Variants in PTPRG observed in about 807,000 individuals in gnomAD.
PTPRG encodes the protein receptor-type tyrosine-protein phosphatase gamma.
A neutral mutation model predicts 165.3 loss-of-function variants in PTPRG; 102 were observed. The ratio of observed to expected loss-of-function variants is 0.62; its 90% confidence interval spans 0.53 to 0.73. The LOEUF is 0.73. PTPRG is among the 30% of genes least tolerant of loss of function. The pLI is 0.00. For missense variants in PTPRG, 1,866 were observed against 1,861.4 expected, an observed-to-expected ratio of 1.00 and a Z score of -0.05; for synonymous variants, 675 against 669.5, an observed-to-expected ratio of 1.01 and a Z score of -0.13.
intron 4 of PTPRG, among the ~76,000 whole-genome samples, chr3:62,017,087 G>T (rs750842578): frequency 6.6e-6 from 1 of 152,108 alleles, no homozygotes; most frequent in Non-Finnish European, 1.5e-5. Flanking sequence ...GGAGGGGATC[G>T]GTCTGTCTGT....
intron 2 of PTPRG, among the ~76,000 whole-genome samples, chr3:61,978,656 T>A (rs2040565686): frequency 6.6e-6 from 1 of 152,218 alleles, no homozygotes; most frequent in African/African-American, 2.4e-5. Context: ...GTGCTGTATT[T>A]CTGCCAGGGA....
chr3:61,651,908 G>A (rs1702364830), intron 1 of PTPRG, among the ~76,000 whole-genome samples: 1 of 152,154 alleles, frequency 6.6e-6, no homozygotes, highest in Non-Finnish European at 1.5e-5. Flanking sequence ...TATTCGGGAG[G>A]CTGAGGCAGG....
intron 2 of PTPRG, among the ~76,000 whole-genome samples, chr3:61,826,731 A>G (rs2036124012): frequency 6.6e-6 from 1 of 152,068 alleles, no homozygotes; most frequent in Non-Finnish European, 1.5e-5. Context: ...CCTTTTTGTA[A>G]GCAAAGATGC....
rs970856291 is a variant in PTPRG, at chr3:62,219,088, A to T, written c.2288+105A>T. The T allele has an allele frequency of 1.4e-6, 2 of 1,450,402 alleles. No homozygotes were observed. Among genetic ancestry groups the T allele is most frequent in the African/African-American group, 2.8e-5 (2 of 70,268 alleles). 89.8% of individuals were successfully genotyped at this position (1,450,402 alleles called of 1,614,324 possible). ...GCCTCTGCATTCAGGAAGGTGAGGT[A>T]GCTTAAGTGTTTCTGGTCTTGCCAC... is the stretch of plus-strand genomic sequence containing the variant. On this transcript the variant is annotated intron_variant, in intron 13 of 29. Transcript: ENST00000474889. This position sits in a 1 kb window ranked among gnomAD's most constrained non-coding sequence, Gnocchi z 4.5.
chr3:62,000,220 G>A (rs2041137297), intron 3 of PTPRG, among the ~76,000 whole-genome samples: 2 of 150,654 alleles, frequency 1.3e-5, no homozygotes, highest in South Asian at 4.2e-4. Context: ...AGCTGAGGTT[G>A]CAGTGGGCGG....
intron 8 of PTPRG, among the ~76,000 whole-genome samples, chr3:62,184,742 C>T (rs1328372511): frequency 2.0e-5 from 3 of 152,174 alleles, no homozygotes; most frequent in Admixed American, 1.3e-4. Context: ...GTTGCAACAC[C>T]TCCCACCCAG....
rs151218500 is a variant in PTPRG at position 62,069,023 on chromosome 3, A to T, written c.520-9140A>T. Among the ~76,000 whole-genome samples the T allele has an allele frequency of 3.3e-5, 5 of 152,342 alleles. No homozygotes were observed. The East Asian group carries it at 9.6e-4, about 29-fold the overall frequency. On this transcript the variant is annotated intron_variant, in intron 4 of 29. Transcript: ENST00000474889. Reference sequence around the variant, plus strand: ...TCCTCTAAAAATATTCTTCCAGTGAATGCCACACACTGGTTTCTTTGCCAC... The same window carrying T: ...TCCTCTAAAAATATTCTTCCAGTGATTGCCACACACTGGTTTCTTTGCCAC...
intron 1 of PTPRG, among the ~76,000 whole-genome samples, chr3:61,684,748 G>A (rs879331861): frequency 6.6e-6 from 1 of 152,184 alleles, no homozygotes; most frequent in Non-Finnish European, 1.5e-5. Context: ...GTGGATTAAT[G>A]TAGATTAAAA....
chr3:61,868,334 A>G (rs1329150646), intron 2 of PTPRG, among the ~76,000 whole-genome samples: 1 of 152,170 alleles, frequency 6.6e-6, no homozygotes, highest in Non-Finnish European at 1.5e-5. Context: ...CCTCTCTCAG[A>G]TTTGATTCCG....
intron 4 of PTPRG, among the ~76,000 whole-genome samples, chr3:62,036,707 T>G (rs927447367): frequency 1.1e-4 from 16 of 152,140 alleles, no homozygotes; most frequent in African/African-American, 3.6e-4. Flanking sequence ...TTATTGAGAT[T>G]TTGGTCCAAA....
At chr3:61,588,460 C>T (rs1575521185) in intron 1 of PTPRG, among the ~76,000 whole-genome samples, 1 of 147,822 alleles carries the variant, frequency 6.8e-6, no homozygotes, top group Non-Finnish European at 1.5e-5. Flanking sequence ...CAACCTCCAC[C>T]TCTTGAGTTC....
At chr3:62,103,633 C>G (rs1702369433) in intron 5 of PTPRG, among the ~76,000 whole-genome samples, 1 of 152,202 alleles carries the variant, frequency 6.6e-6, no homozygotes, top group African/African-American at 2.4e-5. Flanking sequence ...TCTTTTCATT[C>G]TGATGTCATT....
Position 62,296,471 on chromosome 3 carries a change from A to T in PTPRG, c.*3164A>T, listed in dbSNP as rs991496892. On this transcript the variant is annotated 3_prime_UTR_variant, in exon 30 of 30. Coordinates refer to ENST00000474889, the MANE Select transcript of PTPRG (RefSeq NM_002841.4). Reference sequence around the variant, plus strand: ...ATAGATACCAATTTACCAAAGATACATATTACTAATTCTAAGCAAAACTAA... The same window carrying T: ...ATAGATACCAATTTACCAAAGATACTTATTACTAATTCTAAGCAAAACTAA... 5.9e-5 allele frequency: 9 copies of T among 151,950 alleles called. No homozygotes were observed. Among genetic ancestry groups the T allele is most frequent in the African/African-American group, 2.2e-4 (9 of 41,354 alleles). 9.4% of individuals were successfully genotyped at this position (151,950 alleles called of 1,614,324 possible).
At chr3:61,628,764 A>G (rs1442068509) in intron 1 of PTPRG, among the ~76,000 whole-genome samples, 2 of 152,202 alleles carry the variant, frequency 1.3e-5, no homozygotes, top group Non-Finnish European at 2.9e-5. Context: ...CCACTCATCC[A>G]TCTCTGACCC....
chr3:62,259,038 A>G (rs1701617252), intron 16 of PTPRG, among the ~76,000 whole-genome samples: 1 of 152,210 alleles, frequency 6.6e-6, no homozygotes, highest in Non-Finnish European at 1.5e-5. Context: ...AGAAGTCCAC[A>G]GCCCCTGGAC....
chr3:61,591,392 C>T lies in PTPRG; in HGVS notation c.85+29020C>T, dbSNP rs114334051. Among the ~76,000 whole-genome samples the T allele has an allele frequency of 4.8e-3, 738 of 152,250 alleles. 5 individuals carry two copies. The highest frequency in any genetic ancestry group is 0.017 in the African/African-American group (700 of 41,542). ...TCTTTTTTTGGAGATTGAGAGGGCACAGGGATGAGCTTGCTGTGATAATTG... is the reference window on the plus strand; with the variant it reads ...TCTTTTTTTGGAGATTGAGAGGGCATAGGGATGAGCTTGCTGTGATAATTG... On this transcript the variant is annotated intron_variant, in intron 1 of 29. Transcript: ENST00000474889.
At chr3:61,820,629 T>C (rs985668262) in intron 2 of PTPRG, among the ~76,000 whole-genome samples, 1 of 112,782 alleles carries the variant, frequency 8.9e-6, no homozygotes, top group African/African-American at 3.5e-5. Context: ...TTTTTTTTTT[T>C]ACTGTGGCTT....
At position 62,293,146 on chromosome 3, in the gene PTPRG, C is replaced by G; in HGVS notation, c.4192-15C>G. 6.4e-7 allele frequency: 1 copy of G among 1,552,540 alleles called. No homozygotes were observed. The highest frequency in any genetic ancestry group is 1.3e-5 in the South Asian group (1 of 79,550). On this transcript the variant is annotated splice_polypyrimidine_tract_variant and intron_variant, in intron 29 of 29. Coordinates refer to ENST00000474889, the MANE Select transcript of PTPRG (RefSeq NM_002841.4). ...ACTGTTCTTTGGCTCAAACTGTCTT[C>G]CTCTTGTTTTTCAGGAACAATACCA...
chr3:61,821,230 C>T (rs985649012), intron 2 of PTPRG, among the ~76,000 whole-genome samples: 15 of 151,654 alleles, frequency 9.9e-5, no homozygotes, highest in African/African-American at 2.7e-4. Context: ...AGTGCAGTGG[C>T]GTGATCTTGG....
Sources: allele counts gnomAD v4.1 joint callset (sites outside exome capture counted in the v4.1 genomes callset), GRCh38; gene constraint gnomAD v4.1.1; non-coding constraint Gnocchi (gnomAD v3.1); transcripts MANE v1.5; gene names NCBI Gene and HGNC (gene_info 2026-07-23, HGNC 2026-07-21).